IGF2BP2: variants seen among roughly 807,000 people sequenced by gnomAD.
The protein encoded by IGF2BP2 is insulin-like growth factor 2 mRNA-binding protein 2.
IGF2BP2 carries 17 observed loss-of-function variants against 75.8 expected under a neutral mutation model. The ratio of observed to expected loss-of-function variants is 0.22; its 90% CI spans 0.15 to 0.34. The LOEUF (loss-of-function observed/expected upper bound fraction) is 0.34, where lower values mean the gene tolerates loss of function less well. Among genes scored for constraint, IGF2BP2 ranks in the 10% least tolerant of loss-of-function variants. The probability of loss-of-function intolerance (pLI) is 1.00; values close to 1 mark genes in which losing one functional copy is unlikely to be tolerated. For missense variants in IGF2BP2, 516 were observed against 772.4 expected (o/e 0.67, Z 3.93); for synonymous variants, 288 against 295.6 (o/e 0.97, Z 0.26).
chr3:185,661,635 C>CA (rs562781189), intron 10 of IGF2BP2, among the ~76,000 whole-genome samples: 1,860 of 38,516 alleles, frequency 0.048, 46 homozygotes, highest in African/African-American at 0.091. Flanking sequence ...AAGACTGTCT[C>CA]AAAAAAAAAA....
At chr3:185,704,876 C>A (rs1156948271) in intron 2 of IGF2BP2, among the ~76,000 whole-genome samples, 1 of 152,106 alleles carries the variant, frequency 6.6e-6, no homozygotes, top group East Asian at 1.9e-4. Context: ...TGACTAAGAA[C>A]AATTGCCTCC....
At chr3:185,716,095 A>G (rs896631041) in intron 2 of IGF2BP2, among the ~76,000 whole-genome samples, 7 of 152,168 alleles carry the variant, frequency 4.6e-5, no homozygotes, top group Non-Finnish European at 8.8e-5. Context: ...TCTTGAAAGC[A>G]TAACAAATAG....
intron 2 of IGF2BP2, among the ~76,000 whole-genome samples, chr3:185,779,739 G>GT (rs1734967539): frequency 6.9e-6 from 1 of 145,872 alleles, no homozygotes; most frequent in South Asian, 2.2e-4. Context: ...CTAGACCACC[G>GT]TAACTGTCCT....
chr3:185,776,427 A>G (rs1734538981), intron 2 of IGF2BP2, among the ~76,000 whole-genome samples: 1 of 152,146 alleles, frequency 6.6e-6, no homozygotes, highest in Non-Finnish European at 1.5e-5. Flanking sequence ...GGAAAAAGTA[A>G]AAAGTGAGGA....
At position 185,650,766 on chromosome 3, in the gene IGF2BP2, TC is replaced by T. The variant is rs1425505627; in HGVS notation, c.1462-1233del. Among the ~76,000 whole-genome samples the T allele has an allele frequency of 4.6e-5, 7 of 152,338 alleles. No homozygotes were observed. In the East Asian group the frequency reaches 1.3e-3, roughly 29 times the overall value. On this transcript the variant is annotated intron_variant, in intron 13 of 15. Coordinates refer to ENST00000382199, the MANE Select transcript of IGF2BP2 (RefSeq NM_006548.6). Reference sequence around the variant, plus strand: ...ATCACCATTATCTATTCAGAACATTTCCACACTATTCCCCCAGATAAAAACC... The same window carrying T: ...ATCACCATTATCTATTCAGAACATTTCACACTATTCCCCCAGATAAAAACC...
intron 2 of IGF2BP2, among the ~76,000 whole-genome samples, chr3:185,791,758 T>C (rs752217981): frequency 6.6e-6 from 1 of 152,246 alleles, no homozygotes; most frequent in Non-Finnish European, 1.5e-5. Context: ...CACTGACTGC[T>C]TATAGCATCA....
chr3:185,654,474 G>A (rs1715109451), intron 12 of IGF2BP2, among the ~76,000 whole-genome samples: 1 of 152,212 alleles, frequency 6.6e-6, no homozygotes, highest in African/African-American at 2.4e-5. Flanking sequence ...GCGAATGGCT[G>A]ATTCATGATT....
intron 2 of IGF2BP2, among the ~76,000 whole-genome samples, chr3:185,769,830 CAAAAAAAAA>C (rs35418660): frequency 3.9e-5 from 3 of 77,172 alleles, no homozygotes; most frequent in East Asian, 7.4e-4. Flanking sequence ...ACCCTGTCTC[CAAAAAAAAA>C]AAAAAAAAAA....
At chr3:185,670,838 G>A (rs1448375525) in intron 10 of IGF2BP2, among the ~76,000 whole-genome samples, 1 of 152,188 alleles carries the variant, frequency 6.6e-6, no homozygotes, top group African/African-American at 2.4e-5. Flanking sequence ...CCAAAGTGCT[G>A]GGATTACAGG....
chr3:185,683,526 A>G (rs1720690160), intron 7 of IGF2BP2, among the ~76,000 whole-genome samples: 1 of 151,866 alleles, frequency 6.6e-6, no homozygotes, highest in South Asian at 2.1e-4. Flanking sequence ...CTCATGCCTC[A>G]GCCTCCCAAG....
chr3:185,783,367 T>C (rs760493817), intron 2 of IGF2BP2, among the ~76,000 whole-genome samples: 1 of 152,210 alleles, frequency 6.6e-6, no homozygotes, highest in Non-Finnish European at 1.5e-5. Context: ...CAGGGAGCTC[T>C]GCACAGGGGA....
chr3:185,814,557 G>C (rs566247287), intron 2 of IGF2BP2, among the ~76,000 whole-genome samples: 5 of 152,244 alleles, frequency 3.3e-5, no homozygotes, highest in Non-Finnish European at 7.4e-5. Context: ...CAAAGAGAAA[G>C]AAAAGATATA....
intron 2 of IGF2BP2, among the ~76,000 whole-genome samples, chr3:185,797,510 C>A (rs1042304937): frequency 6.6e-6 from 1 of 152,216 alleles, no homozygotes; most frequent in Non-Finnish European, 1.5e-5. Context: ...CAGTTAAGAG[C>A]AGAGTTTGCT....
intron 2 of IGF2BP2, among the ~76,000 whole-genome samples, chr3:185,822,475 G>A (rs1741487129): frequency 6.6e-6 from 1 of 152,144 alleles, no homozygotes; most frequent in Non-Finnish European, 1.5e-5. Flanking sequence ...CACAAAACTT[G>A]TTACTCCGTC....
chr3:185,666,039 T>C (rs1017737625), intron 10 of IGF2BP2, among the ~76,000 whole-genome samples: 5 of 151,540 alleles, frequency 3.3e-5, no homozygotes, highest in Non-Finnish European at 7.4e-5. Context: ...GATAGATAGA[T>C]AGATAGATAG....
At position 185,753,266 on chromosome 3, in the gene IGF2BP2, G is replaced by C. The variant is rs568322719; in HGVS notation, c.240-54919C>G. Among the ~76,000 whole-genome samples, 63 of 152,198 alleles carry C rather than the reference G, an allele frequency of 4.1e-4. 1 individual carries two copies. The highest frequency in any genetic ancestry group is 1.5e-3 in the African/African-American group (61 of 41,524). The stretch of plus-strand genomic sequence containing the variant: ...TATAACTCCTGGGAACTGTACTTGC[G>C]GAACGGGGTGCTCTCTGCCTGTAAG... On this transcript the variant is annotated intron_variant, in intron 2 of 15. Coordinates refer to ENST00000382199, the MANE Select transcript of IGF2BP2 (RefSeq NM_006548.6).
At chr3:185,796,636 A>AGG (rs1560484491) in intron 2 of IGF2BP2, among the ~76,000 whole-genome samples, 1 of 142,766 alleles carries the variant, frequency 7.0e-6, no homozygotes, top group African/African-American at 2.7e-5. Flanking sequence ...AAAAAAAAAG[A>AGG]GAGAGAGACT....
intron 13 of IGF2BP2, among the ~76,000 whole-genome samples, chr3:185,651,232 G>T (rs776695784): frequency 6.6e-6 from 1 of 152,134 alleles, no homozygotes; most frequent in African/African-American, 2.4e-5. Context: ...TTTGGTGTTT[G>T]ACTTCTTTTA....
intron 2 of IGF2BP2, among the ~76,000 whole-genome samples, chr3:185,815,334 C>T (rs1740461928): frequency 6.6e-6 from 1 of 152,156 alleles, no homozygotes; most frequent in African/African-American, 2.4e-5. Flanking sequence ...TTCTCTTATT[C>T]TAAGTTAGGA....
Sources: gnomAD v4.1 joint callset for allele counts (sites outside exome capture counted in the v4.1 genomes callset) on GRCh38, gnomAD v4.1.1 for gene constraint, MANE v1.5 for transcripts, NCBI Gene and HGNC (gene_info 2026-07-23, HGNC 2026-07-21) for gene names.